Variants in NELL1 observed in about 807,000 individuals in gnomAD.
NELL1 encodes protein kinase C-binding protein NELL1.
Under a neutral mutation model 107.4 loss-of-function variants are expected in NELL1, and 76 were observed. The observed-to-expected ratio is 0.71, with a 90% CI of 0.59 to 0.86. The LOEUF is 0.86. NELL1 is among the 40% of genes least tolerant of loss of function. NELL1 has a pLI of 0.00. For synonymous variants in NELL1, 353 were observed against 341.2 expected (o/e 1.03, Z -0.38); for missense variants, 1,024 against 1,005.5 (o/e 1.02, Z -0.25).
intron 12 of NELL1, among the ~76,000 whole-genome samples, chr11:20,967,310 C>G (rs995795746): frequency 2.6e-5 from 4 of 151,956 alleles, no homozygotes; most frequent in Non-Finnish European, 2.9e-5. Context: ...AATTATGCTT[C>G]TAATTATTCC....
chr11:21,070,676 C>T lies in NELL1; in HGVS notation c.1301-42913C>T, dbSNP rs117429937. On this transcript the variant is annotated intron_variant, in intron 12 of 19. Coordinates refer to ENST00000357134, the MANE Select transcript of NELL1 (RefSeq NM_006157.5). ...GCCTTTTCCAGAGTCTTGTGTGAGC[C>T]GAGCATATACCATTCAGCACAGTAT... Among the ~76,000 whole-genome samples, 414 of 152,170 alleles carry T rather than the reference C, an allele frequency of 2.7e-3. 2 individuals carry two copies. The highest frequency in any genetic ancestry group is 4.8e-3 in the Non-Finnish European group (325 of 68,024).
intron 3 of NELL1, among the ~76,000 whole-genome samples, chr11:20,798,582 A>C (rs1179716126): frequency 6.6e-6 from 1 of 152,196 alleles, no homozygotes; most frequent in African/African-American, 2.4e-5. Context: ...GCATTCGTTC[A>C]TTTGGTTCTG....
intron 14 of NELL1, among the ~76,000 whole-genome samples, chr11:21,287,533 TC>T (rs1334200425): frequency 1.3e-5 from 2 of 152,076 alleles, no homozygotes; most frequent in East Asian, 1.9e-4. Context: ...ACCATGTCTG[TC>T]CCCCCACCCT....
intron 12 of NELL1, among the ~76,000 whole-genome samples, chr11:21,090,376 G>A (rs1031000298): frequency 6.6e-6 from 1 of 152,056 alleles, no homozygotes; most frequent in Non-Finnish European, 1.5e-5. Flanking sequence ...AGGCATTGGG[G>A]TTCTCCCTAT....
At chr11:21,257,452 G>A (rs1413066871) in intron 14 of NELL1, among the ~76,000 whole-genome samples, 2 of 151,844 alleles carry the variant, frequency 1.3e-5, no homozygotes, top group Admixed American at 1.3e-4. Flanking sequence ...ATCAGGCCTG[G>A]GAGATCTTCA....
At chr11:21,443,285 C>T (rs1264054700) in intron 15 of NELL1, among the ~76,000 whole-genome samples, 3 of 152,258 alleles carry the variant, frequency 2.0e-5, no homozygotes, top group Admixed American at 2.0e-4. Context: ...GGGCAGAACT[C>T]TCATGACCTA....
intron 12 of NELL1, among the ~76,000 whole-genome samples, chr11:21,064,623 C>T (rs904041983): frequency 2.0e-5 from 3 of 151,670 alleles, no homozygotes; most frequent in African/African-American, 7.3e-5. Context: ...ATTATATTAG[C>T]ATATTATAAA....
chr11:21,085,819 G>A (rs1315098256), intron 12 of NELL1, among the ~76,000 whole-genome samples: 1 of 152,152 alleles, frequency 6.6e-6, no homozygotes, highest in Non-Finnish European at 1.5e-5. Flanking sequence ...AAGAAAAAAT[G>A]GATTTTATTC....
At chr11:20,777,189 C>G (rs927324507) in intron 2 of NELL1, among the ~76,000 whole-genome samples, 3 of 152,126 alleles carry the variant, frequency 2.0e-5, no homozygotes, top group African/African-American at 7.2e-5. Flanking sequence ...AGCCCAGTGT[C>G]CTTTAGAACA....
At chr11:21,356,786 T>A (rs1311126196) in intron 14 of NELL1, among the ~76,000 whole-genome samples, 1 of 152,162 alleles carries the variant, frequency 6.6e-6, no homozygotes, top group Non-Finnish European at 1.5e-5. Context: ...CAATGTGTAG[T>A]CTTTTATCCC....
intron 14 of NELL1, among the ~76,000 whole-genome samples, chr11:21,247,914 C>T (rs1024604817): frequency 6.6e-6 from 1 of 151,986 alleles, no homozygotes; most frequent in Non-Finnish European, 1.5e-5. Flanking sequence ...TCCTTATAAT[C>T]TTATGGGACC....
chr11:20,829,043 C>T (rs1857946448), intron 3 of NELL1, among the ~76,000 whole-genome samples: 1 of 152,078 alleles, frequency 6.6e-6, no homozygotes, highest in African/African-American at 2.4e-5. Context: ...TTGGCTAGGC[C>T]TCTTAGGAGA....
chr11:21,468,539 C>A (rs778322476), intron 15 of NELL1, among the ~76,000 whole-genome samples: 1 of 152,034 alleles, frequency 6.6e-6, no homozygotes, highest in Non-Finnish European at 1.5e-5. Flanking sequence ...TATGAGCATG[C>A]CTTGCCCAAT....
intron 14 of NELL1, among the ~76,000 whole-genome samples, chr11:21,359,198 A>G (rs1030668592): frequency 2.4e-4 from 36 of 152,106 alleles, no homozygotes; most frequent in African/African-American, 8.7e-4. Flanking sequence ...AGTCACACTG[A>G]ATTTTGTCAG....
chr11:21,569,486 A>G (rs1310518853), intron 17 of NELL1, among the ~76,000 whole-genome samples: 1 of 151,736 alleles, frequency 6.6e-6, no homozygotes, highest in Admixed American at 6.6e-5. Context: ...GATGATGATG[A>G]TGATGATATA....
At chr11:21,372,214 T>C (rs918231342) in intron 15 of NELL1, among the ~76,000 whole-genome samples, 7 of 151,964 alleles carry the variant, frequency 4.6e-5, no homozygotes, top group South Asian at 2.1e-4. Flanking sequence ...CAAAGAAACT[T>C]AAGGGTAGCT....
chr11:20,968,959 G>A lies in NELL1; in HGVS notation c.1300+8399G>A, dbSNP rs114955034. Among the ~76,000 whole-genome samples, 760 of 152,254 alleles carry A rather than the reference G, an allele frequency of 5.0e-3. 4 individuals carry two copies. The highest frequency in any genetic ancestry group is 0.017 in the African/African-American group (721 of 41,556). On this transcript the variant is annotated intron_variant, in intron 12 of 19. Coordinates refer to ENST00000357134, the MANE Select transcript of NELL1 (RefSeq NM_006157.5). ...AAATTTCGTCTAGCTGTGTTCCCAG[G>A]AGGAAAGAAAAATCTGTTTTGGTGA... is the stretch of plus-strand genomic sequence containing the variant.
At chr11:21,157,912 T>G (rs1856278729) in intron 13 of NELL1, among the ~76,000 whole-genome samples, 2 of 152,196 alleles carry the variant, frequency 1.3e-5, no homozygotes, top group African/African-American at 4.8e-5. Context: ...GATTGAAGGA[T>G]GCAAAGTATT....
At chr11:20,821,618 GGA>G (rs1857755458) in intron 3 of NELL1, among the ~76,000 whole-genome samples, 1 of 152,188 alleles carries the variant, frequency 6.6e-6, no homozygotes, top group Non-Finnish European at 1.5e-5. Flanking sequence ...TTAAAACTCA[GGA>G]TGAAGTTAGA....
Sources: gnomAD v4.1 joint callset for allele counts (sites outside exome capture counted in the v4.1 genomes callset) on GRCh38, gnomAD v4.1.1 for gene constraint, MANE v1.5 for transcripts, NCBI Gene and HGNC (gene_info 2026-07-23, HGNC 2026-07-21) for gene names.